TNR: variants seen among roughly 807,000 people sequenced by gnomAD.
TNR encodes the protein tenascin-R.
TNR carries 45 observed loss-of-function variants against 150.4 expected under a neutral mutation model. The ratio of observed to expected loss-of-function variants is 0.30; its 90% CI spans 0.24 to 0.38. TNR has a LOEUF of 0.38. TNR is among the 10% of genes least tolerant of loss of function. The pLI is 1.00. For synonymous variants in TNR, 687 were observed against 678.4 expected (o/e 1.01, Z -0.20); for missense variants, 1,544 against 1,759.1 (o/e 0.88, Z 2.19).
chr1:175,607,267 T>C (rs1663439879), intron 1 of TNR, among the ~76,000 whole-genome samples: 1 of 152,212 alleles, frequency 6.6e-6, no homozygotes, highest in Non-Finnish European at 1.5e-5. Context: ...GTGGCTCAAG[T>C]AGGAAGGACA....
intron 2 of TNR, among the ~76,000 whole-genome samples, chr1:175,452,936 G>A (rs1349292128): frequency 1.3e-5 from 2 of 152,118 alleles, no homozygotes; most frequent in African/African-American, 4.8e-5. Flanking sequence ...ATTATGTGGA[G>A]GGAGAGAAGC....
intron 2 of TNR, among the ~76,000 whole-genome samples, chr1:175,424,643 G>A (rs114310034): frequency 9.2e-5 from 14 of 152,278 alleles, no homozygotes; most frequent in African/African-American, 3.1e-4. Context: ...TGGGCCAGTG[G>A]ACCTGAAGGT....
At chr1:175,651,416 GT>G (rs1664992947) in intron 1 of TNR, among the ~76,000 whole-genome samples, 2 of 151,874 alleles carry the variant, frequency 1.3e-5, no homozygotes, top group Admixed American at 6.6e-5. Context: ...AAGCATAAAG[GT>G]TTTTTGCCCT....
rs1276123849 is a variant in TNR at position 175,536,595 on chromosome 1, C to G, written c.-164-8226G>C. ...TCCTTTGTCCTTCCTTCTGGTAGCA[C>G]CACAGATGAGTCAATGTTTAATGTA... On this transcript the variant is annotated intron_variant, in intron 1 of 22. Transcript: ENST00000367674. Among the ~76,000 whole-genome samples the G allele has an allele frequency of 3.9e-5, 6 of 152,164 alleles. No individual in the cohort carries two copies. In the South Asian group the frequency reaches 1.2e-3, roughly 32 times the overall value.
chr1:175,476,752 T>C (rs1409377378), intron 2 of TNR, among the ~76,000 whole-genome samples: 2 of 152,314 alleles, frequency 1.3e-5, no homozygotes, highest in East Asian at 1.9e-4. Flanking sequence ...CACTGTTCTG[T>C]AAAGTAATAG....
chr1:175,403,764 A>G (rs555814920), intron 3 of TNR, 148 bp from the exon 4 acceptor site: 1 of 682,004 alleles, frequency 1.5e-6, no homozygotes, highest in Admixed American at 2.8e-5. Context: ...GTACATATTC[A>G]ATTTAATAAA....
chr1:175,709,330 C>T (rs1278958043), intron 1 of TNR, among the ~76,000 whole-genome samples: 1 of 151,988 alleles, frequency 6.6e-6, no homozygotes, highest in African/African-American at 2.4e-5. Flanking sequence ...CACACACACA[C>T]ACACACACAC....
intron 1 of TNR, among the ~76,000 whole-genome samples, chr1:175,558,632 T>C: frequency 6.6e-6 from 1 of 152,224 alleles, no homozygotes. Flanking sequence ...GATACACCGT[T>C]ATTGATCCCA....
At chr1:175,350,343 G>A (rs185873465) in intron 18 of TNR, among the ~76,000 whole-genome samples, 2 of 152,188 alleles carry the variant, frequency 1.3e-5, no homozygotes, top group Non-Finnish European at 2.9e-5. Context: ...CTTAGGACAA[G>A]CTTTAGTGAG....
chr1:175,736,865 C>A (rs1056415249), intron 1 of TNR, among the ~76,000 whole-genome samples: 9 of 151,514 alleles, frequency 5.9e-5, no homozygotes, highest in Non-Finnish European at 8.8e-5. Flanking sequence ...AAAAAAAGAT[C>A]AAAAAATTAG....
intron 1 of TNR, among the ~76,000 whole-genome samples, chr1:175,575,426 C>A (rs1338222030): frequency 6.6e-6 from 1 of 152,190 alleles, no homozygotes; most frequent in South Asian, 2.1e-4. Context: ...GTGCTAGGCA[C>A]CGTGGTTGGA....
intron 1 of TNR, among the ~76,000 whole-genome samples, chr1:175,547,841 T>C (rs531718365): frequency 2.0e-5 from 3 of 152,300 alleles, no homozygotes; most frequent in African/African-American, 4.8e-5. Context: ...GCAGCTGGAA[T>C]TGACACTGTT....
intron 8 of TNR, among the ~76,000 whole-genome samples, chr1:175,381,235 G>C (rs1292012994): frequency 6.6e-6 from 1 of 152,204 alleles, no homozygotes; most frequent in Admixed American, 6.5e-5. Context: ...ATGAGGAGAA[G>C]CTGGGCAAAG....
Position 175,331,078 on chromosome 1 carries a change from C to CTTCCTTCTTTCTTTCTTTCTTTCTTTCT in TNR, c.3632-844_3632-843insAGAAAGAAAGAAAGAAAGAAAGAAGGAA, listed in dbSNP as rs1649829693. Among the ~76,000 whole-genome samples the CTTCCTTCTTTCTTTCTTTCTTTCTTTCT allele has an allele frequency of 2.5e-3, 148 of 59,950 alleles. 10 individuals are homozygous for CTTCCTTCTTTCTTTCTTTCTTTCTTTCT. Among genetic ancestry groups the CTTCCTTCTTTCTTTCTTTCTTTCTTTCT allele is most frequent in the Middle Eastern group, 0.015 (2 of 132 alleles). The allele number at this position is 59,950 out of a possible 152,430, so 39.3% of individuals were successfully genotyped here. A position where few individuals can be genotyped will look rare whatever the true frequency, so the allele number is the denominator to read the frequency against. Reference sequence around the variant, plus strand: ...CTTTCTTTCTTTCTTTCTTTCTTTCCTTCTTTCTTTCTTTCTTTCTTTCTC... The same window carrying CTTCCTTCTTTCTTTCTTTCTTTCTTTCT: ...CTTTCTTTCTTTCTTTCTTTCTTTCCTTCCTTCTTTCTTTCTTTCTTTCTTTCTTTCTTTCTTTCTTTCTTTCTTTCTC... On this transcript the variant is annotated intron_variant, in intron 20 of 22. Coordinates refer to ENST00000367674, the MANE Select transcript of TNR (RefSeq NM_003285.3).
chr1:175,324,609 G>A, intron 21 of TNR, 90 bp from the exon 22 acceptor site: 6 of 1,460,406 alleles, frequency 4.1e-6, no homozygotes. Flanking sequence ...AGCAAACCTG[G>A]CTTCCACTTA....
chr1:175,577,784 A>G (rs1662179306), intron 1 of TNR, among the ~76,000 whole-genome samples: 2 of 152,190 alleles, frequency 1.3e-5, no homozygotes, highest in South Asian at 4.1e-4. Flanking sequence ...GCAGAGCAGC[A>G]CGAGGAGGGA....
chr1:175,343,083 GC>G (rs1309337253), intron 18 of TNR, among the ~76,000 whole-genome samples: 2 of 152,132 alleles, frequency 1.3e-5, no homozygotes, highest in Non-Finnish European at 2.9e-5. Flanking sequence ...CCACACTTTA[GC>G]CAGAGTGACC....
At position 175,334,488 on chromosome 1, in the gene TNR, G is replaced by A. The variant is rs145223021; in HGVS notation, c.3631+1223C>T. ...TACTGCTCAGGGTCATGTGGCCAGA[G>A]ATTTGTGACTTTCCTAGTTGCTCCT... On this transcript the variant is annotated intron_variant, in intron 20 of 22. Transcript: ENST00000367674. 3.9e-4 allele frequency among the ~76,000 whole-genome samples: 60 copies of A among 152,358 alleles called. 2 individuals are homozygous for A. The highest frequency in any genetic ancestry group is 1.4e-3 in the African/African-American group (59 of 41,584).
intron 2 of TNR, among the ~76,000 whole-genome samples, chr1:175,483,976 C>T (rs1292494245): frequency 6.6e-6 from 1 of 152,208 alleles, no homozygotes; most frequent in African/African-American, 2.4e-5. Context: ...CATCGTGGTG[C>T]TGGCCAGTTC....
Sources: allele counts gnomAD v4.1 joint callset (sites outside exome capture counted in the v4.1 genomes callset), GRCh38; gene constraint gnomAD v4.1.1; transcripts MANE v1.5; gene names NCBI Gene and HGNC (gene_info 2026-07-23, HGNC 2026-07-21).